The following ANO10 variants were observed in gnomAD, a reference collection of about 807,000 sequenced individuals.
The protein encoded by ANO10 is anoctamin 10, also known as anoctamin-10.
In ANO10, 77 loss-of-function variants were observed where a neutral mutation model predicts 74.7. The observed-to-expected ratio is 1.03, with a 90% CI of 0.86 to 1.25. The LOEUF (loss-of-function observed/expected upper bound fraction) is 1.25, where lower values mean the gene tolerates loss of function less well. Ranked by LOEUF, ANO10 falls within the 50% of genes most tolerant of loss-of-function variation. ANO10 has a pLI of 0.00. For synonymous variants in ANO10, 279 were observed against 284.9 expected, an observed-to-expected ratio of 0.98 and a Z score of 0.21; for missense variants, 721 against 778.1, an observed-to-expected ratio of 0.93 and a Z score of 0.87.
intron 11 of ANO10, among the ~76,000 whole-genome samples, chr3:43,507,933 G>A (rs2077358444): frequency 6.6e-6 from 1 of 151,952 alleles, no homozygotes; most frequent in Non-Finnish European, 1.5e-5. Context: ...AAATGTTCTA[G>A]GTGTTTGTAA....
At chr3:43,588,952 A>G (rs1259504053) in intron 4 of ANO10, among the ~76,000 whole-genome samples, 2 of 152,234 alleles carry the variant, frequency 1.3e-5, no homozygotes, top group Non-Finnish European at 2.9e-5. Context: ...ATGGATCAAG[A>G]AAACAAAGTA....
At chr3:43,491,017 A>AG (rs761666959) in intron 11 of ANO10, among the ~76,000 whole-genome samples, 8 of 152,120 alleles carry the variant, frequency 5.3e-5, no homozygotes, top group Non-Finnish European at 1.0e-4. Flanking sequence ...GCAGAATGGC[A>AG]GGGGGGCGGG....
intron 12 of ANO10, among the ~76,000 whole-genome samples, chr3:43,413,397 C>T (rs78782180): frequency 0.036 from 5,417 of 152,038 alleles, 265 homozygotes; most frequent in African/African-American, 0.11. Flanking sequence ...TAGCACCATC[C>T]CTAATGGCTC....
At chr3:43,498,719 C>T (rs2076998360) in intron 11 of ANO10, among the ~76,000 whole-genome samples, 1 of 152,186 alleles carries the variant, frequency 6.6e-6, no homozygotes, top group South Asian at 2.1e-4. Context: ...ATAATCCTCC[C>T]TCTTATTCTT....
At chr3:43,502,262 C>G (rs1202362533) in intron 11 of ANO10, among the ~76,000 whole-genome samples, 1 of 152,062 alleles carries the variant, frequency 6.6e-6, no homozygotes, top group African/African-American at 2.4e-5. Flanking sequence ...TATATTTGTT[C>G]CCCCAAACCT....
chr3:43,379,968 C>T (rs758906752), intron 12 of ANO10, among the ~76,000 whole-genome samples: 5 of 151,882 alleles, frequency 3.3e-5, no homozygotes, highest in Non-Finnish European at 7.4e-5. Flanking sequence ...GAAAAATCTC[C>T]AGTGAAATAG....
At chr3:43,427,416 A>T (rs975035373) in intron 12 of ANO10, among the ~76,000 whole-genome samples, 1 of 152,222 alleles carries the variant, frequency 6.6e-6, no homozygotes, top group Non-Finnish European at 1.5e-5. Flanking sequence ...AAGGGTTTAC[A>T]TGTAAAATGC....
intron 11 of ANO10, among the ~76,000 whole-genome samples, chr3:43,455,946 G>A (rs914611886): frequency 2.0e-5 from 3 of 152,016 alleles, no homozygotes; most frequent in East Asian, 1.9e-4. Flanking sequence ...TAAACAACAG[G>A]AGCAAAGACT....
chr3:43,439,194 A>T (rs573880723), intron 11 of ANO10, among the ~76,000 whole-genome samples: 1 of 152,112 alleles, frequency 6.6e-6, no homozygotes, highest in Admixed American at 6.5e-5. Flanking sequence ...CAGATTTCTC[A>T]GCAAGAAGAT....
At chr3:43,382,412 G>A (rs961176744) in intron 12 of ANO10, among the ~76,000 whole-genome samples, 8 of 151,554 alleles carry the variant, frequency 5.3e-5, no homozygotes, top group East Asian at 1.9e-4. Context: ...CCAGCTACTC[G>A]GGAGGCTGAG....
intron 11 of ANO10, among the ~76,000 whole-genome samples, chr3:43,468,277 G>A (rs528403533): frequency 6.6e-6 from 1 of 152,262 alleles, no homozygotes; most frequent in East Asian, 1.9e-4. Context: ...AACTATTTCA[G>A]TCACCATGGC....
At chr3:43,558,253 C>A (rs2079856148) in intron 9 of ANO10, among the ~76,000 whole-genome samples, 1 of 152,076 alleles carries the variant, frequency 6.6e-6, no homozygotes, top group African/African-American at 2.4e-5. Flanking sequence ...ACATTTCTGG[C>A]AAACCTCTGT....
At chr3:43,615,874 C>T (rs563489875) in intron 1 of ANO10, among the ~76,000 whole-genome samples, 15 of 152,088 alleles carry the variant, frequency 9.9e-5, no homozygotes, top group African/African-American at 3.6e-4. Context: ...AGGATGGTCT[C>T]GATCTCCTGA....
chr3:43,441,979 T>G (rs1249762576), intron 11 of ANO10, among the ~76,000 whole-genome samples: 1 of 151,826 alleles, frequency 6.6e-6, no homozygotes, highest in African/African-American at 2.4e-5. Context: ...CTCAACAAAG[T>G]AGGAGTAAAA....
At chr3:43,399,363 C>T (rs1284375247) in intron 12 of ANO10, among the ~76,000 whole-genome samples, 1 of 152,148 alleles carries the variant, frequency 6.6e-6, no homozygotes, top group East Asian at 1.9e-4. Flanking sequence ...TTTATGAATG[C>T]AATACTTTTT....
chr3:43,443,050 G>T (rs548079089), intron 11 of ANO10, among the ~76,000 whole-genome samples: 1 of 152,320 alleles, frequency 6.6e-6, no homozygotes, highest in East Asian at 1.9e-4. Flanking sequence ...CTATGCCCTG[G>T]TGGTCACCCT....
intron 1 of ANO10, among the ~76,000 whole-genome samples, chr3:43,674,965 G>T (rs2084104267): frequency 6.6e-6 from 1 of 152,112 alleles, no homozygotes; most frequent in Non-Finnish European, 1.5e-5. Context: ...CTGCAGCTGG[G>T]GCAATAAATC....
chr3:43,685,874 A>T (rs1490725834), intron 1 of ANO10, among the ~76,000 whole-genome samples: 1 of 152,220 alleles, frequency 6.6e-6, no homozygotes, highest in Admixed American at 6.5e-5. Flanking sequence ...AAGATTTTCT[A>T]ATCTGTTCCA....
chr3:43,639,816 C>T (rs1277155146), intron 1 of ANO10, among the ~76,000 whole-genome samples: 1 of 151,534 alleles, frequency 6.6e-6, no homozygotes, highest in Non-Finnish European at 1.5e-5. Flanking sequence ...AAAATGTAGA[C>T]AATTCTGCCT....
Sources: allele counts gnomAD v4.1 joint callset (sites outside exome capture counted in the v4.1 genomes callset), GRCh38; gene constraint gnomAD v4.1.1; transcripts MANE v1.5; gene names NCBI Gene and HGNC (gene_info 2026-07-23, HGNC 2026-07-21).